Variants in MINPP1 observed in about 807,000 individuals in gnomAD.
The protein encoded by MINPP1 is multiple inositol-polyphosphate phosphatase 1.
A neutral mutation model predicts 46.1 loss-of-function variants in MINPP1; 28 were observed. The observed-to-expected ratio is 0.61, with a 90% CI of 0.45 to 0.83. The LOEUF is 0.83. Among genes scored for constraint, MINPP1 ranks in the 40% least tolerant of loss-of-function variants. The probability of loss-of-function intolerance (pLI) is 0.00; values close to 1 mark genes in which losing one functional copy is unlikely to be tolerated. For missense variants in MINPP1, 603 were observed against 610.0 expected (o/e 0.99, Z 0.12); for synonymous variants, 268 against 249.1 (o/e 1.08, Z -0.72).
intron 4 of MINPP1, among the ~76,000 whole-genome samples, chr10:87,547,702 T>C (rs1441009897): frequency 6.6e-6 from 1 of 152,234 alleles, no homozygotes; most frequent in Non-Finnish European, 1.5e-5. Context: ...TGTTAGGTAC[T>C]AATATTTTAG....
intron 2 of MINPP1, among the ~76,000 whole-genome samples, chr10:87,512,363 T>C (rs1278629596): frequency 6.6e-6 from 1 of 152,140 alleles, no homozygotes; most frequent in Non-Finnish European, 1.5e-5. Flanking sequence ...GTACCAACAT[T>C]TCTCTCTTTA....
rs12245424 is a variant in MINPP1, at chr10:87,553,403, C to T, written c.*925C>T. ...TTGTGACTTTACTACCAGGACTTTT[C>T]TCTTCCCCATGTCAAAATACAATCA... On this transcript the variant is annotated 3_prime_UTR_variant, in exon 5 of 5. Coordinates refer to ENST00000371996, the MANE Select transcript of MINPP1 (RefSeq NM_004897.5). The T allele has an allele frequency of 2.0e-5, 3 of 152,068 alleles. No homozygotes were observed. Among genetic ancestry groups the T allele is most frequent in the African/African-American group, 7.2e-5 (3 of 41,420 alleles). 9.4% of individuals were successfully genotyped at this position (152,068 alleles called of 1,614,324 possible). A position where few individuals can be genotyped will look rare whatever the true frequency, so the allele number is the denominator to read the frequency against.
chr10:87,514,872 T>C (rs932300224), intron 3 of MINPP1, among the ~76,000 whole-genome samples: 1 of 151,860 alleles, frequency 6.6e-6, no homozygotes, highest in African/African-American at 2.4e-5. Context: ...TGTGCTACCA[T>C]GCCCAGGTAA....
At chr10:87,519,589 G>A (rs1851469604) in intron 3 of MINPP1, among the ~76,000 whole-genome samples, 1 of 152,178 alleles carries the variant, frequency 6.6e-6, no homozygotes. Context: ...CCATTGTGCT[G>A]TGCTAGTCTA....
chr10:87,541,097 T>C (rs1167823933), intron 4 of MINPP1, among the ~76,000 whole-genome samples: 1 of 152,226 alleles, frequency 6.6e-6, no homozygotes, highest in African/African-American at 2.4e-5. Context: ...ATAATTTGTT[T>C]TTCCATTTGA....
At chr10:87,519,237 T>C (rs941860540) in intron 3 of MINPP1, among the ~76,000 whole-genome samples, 12 of 152,202 alleles carry the variant, frequency 7.9e-5, no homozygotes, top group Non-Finnish European at 1.8e-4. Flanking sequence ...AGGGATACCT[T>C]ACATCAAAAG....
At chr10:87,512,332 A>G (rs562626622) in intron 2 of MINPP1, among the ~76,000 whole-genome samples, 65 of 152,292 alleles carry the variant, frequency 4.3e-4, no homozygotes, top group African/African-American at 1.5e-3. Context: ...TTGAGCAGCT[A>G]AGTTTGAAAA....
intron 4 of MINPP1, among the ~76,000 whole-genome samples, chr10:87,527,088 C>T (rs1462758081): frequency 6.6e-6 from 1 of 152,130 alleles, no homozygotes; most frequent in African/African-American, 2.4e-5. Context: ...TGAAAAAAGT[C>T]ATTGGTAGCT....
intron 2 of MINPP1, among the ~76,000 whole-genome samples, chr10:87,509,943 A>G (rs1251216932): frequency 1.3e-5 from 2 of 152,222 alleles, no homozygotes; most frequent in African/African-American, 4.8e-5. Flanking sequence ...GGCAAGAATT[A>G]TGTATTTTAC....
At chr10:87,533,144 A>G (rs1390372344) in intron 4 of MINPP1, among the ~76,000 whole-genome samples, 1 of 152,084 alleles carries the variant, frequency 6.6e-6, no homozygotes, top group Non-Finnish European at 1.5e-5. Context: ...CCCTTGTTAG[A>G]ATGTTAGTAT....
intron 1 of MINPP1, 46 bp from the exon 2 acceptor site, chr10:87,508,290 T>C (rs1210193454): frequency 6.3e-7 from 1 of 1,599,988 alleles, no homozygotes; most frequent in African/African-American, 1.3e-5. Context: ...AAACTGTCAT[T>C]TATGTCAGTG....
At chr10:87,542,855 C>T (rs1157161278) in intron 4 of MINPP1, among the ~76,000 whole-genome samples, 1 of 152,120 alleles carries the variant, frequency 6.6e-6, no homozygotes, top group Non-Finnish European at 1.5e-5. Flanking sequence ...GCATGGGGCA[C>T]TGCTATAAAG....
intron 4 of MINPP1, among the ~76,000 whole-genome samples, chr10:87,526,692 G>A (rs1851581968): frequency 1.3e-5 from 2 of 152,198 alleles, no homozygotes; most frequent in South Asian, 4.1e-4. Flanking sequence ...TAACTTTTAA[G>A]TCTTTAACCC....
chr10:87,524,924 T>TA (rs577141577), intron 4 of MINPP1, among the ~76,000 whole-genome samples: 1 of 152,054 alleles, frequency 6.6e-6, no homozygotes, highest in Non-Finnish European at 1.5e-5. Context: ...TAGTAATAAT[T>TA]AAAAAAACTT....
chr10:87,552,597 T>G lies in MINPP1; in HGVS notation c.*119T>G. 9.6e-7 allele frequency: 1 copy of G among 1,043,396 alleles called. No homozygotes were observed. Among genetic ancestry groups the G allele is most frequent in the Non-Finnish European group, 1.4e-6 (1 of 705,078 alleles). The allele number at this position is 1,043,396 out of a possible 1,614,324, so 64.6% of individuals were successfully genotyped here. On this transcript the variant is annotated 3_prime_UTR_variant, in exon 5 of 5. Transcript: ENST00000371996. ...TATATTACTTGAGTATTTCTGTCTT[T>G]TCACAGAAAAACATTGGGTTTCTCT... is the stretch of plus-strand genomic sequence containing the variant.
chr10:87,547,173 G>A (rs1296986618), intron 4 of MINPP1, among the ~76,000 whole-genome samples: 3 of 151,996 alleles, frequency 2.0e-5, no homozygotes, highest in African/African-American at 7.3e-5. Flanking sequence ...GTGCAGTGAC[G>A]TGATCTTGGC....
intron 1 of MINPP1, among the ~76,000 whole-genome samples, chr10:87,507,340 A>G (rs774874008): frequency 6.6e-5 from 10 of 152,246 alleles, no homozygotes; most frequent in Admixed American, 5.9e-4. Flanking sequence ...AGGATAAAAT[A>G]CCCAGATGCA....
intron 2 of MINPP1, among the ~76,000 whole-genome samples, chr10:87,509,324 T>C (rs1045864141): frequency 2.0e-4 from 30 of 152,200 alleles, no homozygotes; most frequent in African/African-American, 7.2e-4. Context: ...TAGATTAGAA[T>C]TTATCAGTCA....
chr10:87,530,366 G>T (rs553613294), intron 4 of MINPP1, among the ~76,000 whole-genome samples: 12 of 152,288 alleles, frequency 7.9e-5, no homozygotes, highest in African/African-American at 2.9e-4. Flanking sequence ...GGTCTTTGAT[G>T]ATGGTGATGT....
Sources: allele counts gnomAD v4.1 joint callset (sites outside exome capture counted in the v4.1 genomes callset), GRCh38; gene constraint gnomAD v4.1.1; transcripts MANE v1.5; gene names NCBI Gene and HGNC (gene_info 2026-07-23, HGNC 2026-07-21).